HMGCL: variants seen among roughly 807,000 people sequenced by gnomAD.
HMGCL encodes the protein hydroxymethylglutaryl-CoA lyase, mitochondrial.
HMGCL carries 26 observed loss-of-function variants against 37.3 expected under a neutral mutation model. That is an observed-to-expected ratio of 0.70 (90% CI 0.51 to 0.97). The LOEUF is 0.97. Among genes scored for constraint, HMGCL ranks in the 50% least tolerant of loss-of-function variants. The probability of loss-of-function intolerance (pLI) is 0.00; values close to 1 mark genes in which losing one functional copy is unlikely to be tolerated. For missense variants in HMGCL, 379 were observed against 398.1 expected (o/e 0.95, Z 0.41); for synonymous variants, 151 against 148.0 (o/e 1.02, Z -0.15).
chr1:23,816,106 G>A (rs966959462), intron 4 of HMGCL, among the ~76,000 whole-genome samples: 1 of 57,838 alleles, frequency 1.7e-5, no homozygotes, highest in Non-Finnish European at 3.9e-5. Context: ...TTTTTTTTTT[G>A]TAGAGACAAG....
At chr1:23,810,337 A>G (rs1638496505) in intron 6 of HMGCL, 1 of 258,500 alleles carries the variant, frequency 3.9e-6, no homozygotes, top group Admixed American at 4.9e-5. Context: ...TGGGCTGGTC[A>G]AACTCAATTC....
Position 23,806,929 on chromosome 1 carries a change from T to C in HMGCL, c.750+1206A>G, listed in dbSNP as rs1570644349. On this transcript the variant is annotated intron_variant, in intron 7 of 8. Coordinates refer to ENST00000374490, the MANE Select transcript of HMGCL (RefSeq NM_000191.3). This position sits in a 1 kb window ranked among gnomAD's most constrained non-coding sequence, Gnocchi z 4.0. The stretch of plus-strand genomic sequence containing the variant: ...GGGCAGGGATTGGGTCTTGTTACCA[T>C]TGTCTAAGTCAGCACTTAACCTGGC... 1.9e-5 allele frequency: 10 copies of C among 517,990 alleles called. No individual in the cohort carries two copies. The highest frequency in any genetic ancestry group is 1.9e-5 in the Admixed American group (1 of 51,444). 32.1% of individuals were successfully genotyped at this position (517,990 alleles called of 1,614,324 possible). A position where few individuals can be genotyped will look rare whatever the true frequency, so the allele number is the denominator to read the frequency against.
At chr1:23,824,095 C>T (rs1638772379) in intron 1 of HMGCL, among the ~76,000 whole-genome samples, 1 of 152,206 alleles carries the variant, frequency 6.6e-6, no homozygotes, top group Non-Finnish European at 1.5e-5. Flanking sequence ...TAAAGCTCTG[C>T]TCAGAGAGGG....
rs115490158 is a variant in HMGCL, at chr1:23,806,798, G to A, written c.750+1337C>T. On this transcript the variant is annotated intron_variant, in intron 7 of 8. Coordinates refer to ENST00000374490, the MANE Select transcript of HMGCL (RefSeq NM_000191.3). The surrounding 1 kb of genome is among the most constrained non-coding windows in gnomAD (Gnocchi z 4.0). The stretch of plus-strand genomic sequence containing the variant: ...AACAGTGCCTAGCACACTAGGCACC[G>A]TTAGGTTAGGTTTTAATAGGTGAAT... 3.5e-3 allele frequency: 1,316 copies of A among 373,750 alleles called. 14 individuals carry two copies. Among genetic ancestry groups the A allele is most frequent in the African/African-American group, 0.025 (1,166 of 47,386 alleles). The allele number at this position is 373,750 out of a possible 1,614,324, so 23.2% of individuals were successfully genotyped here. A position where few individuals can be genotyped will look rare whatever the true frequency, so the allele number is the denominator to read the frequency against.
rs1410560275 is a variant in HMGCL at position 23,806,474 on chromosome 1, C to T, written c.750+1661G>A. On this transcript the variant is annotated intron_variant, in intron 7 of 8. Coordinates refer to ENST00000374490, the MANE Select transcript of HMGCL (RefSeq NM_000191.3). The surrounding 1 kb of genome is among the most constrained non-coding windows in gnomAD (Gnocchi z 4.0). ...GAACACAGCAAGCACACTCCTCCCT[C>T]AGGGCTCTGCGCCTGCTTTCCTGGG... Among the ~76,000 whole-genome samples the T allele has an allele frequency of 6.6e-6, 1 of 152,200 alleles. No homozygotes were observed. Among genetic ancestry groups the T allele is most frequent in the African/African-American group, 2.4e-5 (1 of 41,452 alleles).
intron 7 of HMGCL, among the ~76,000 whole-genome samples, chr1:23,805,654 C>G (rs927642960): frequency 1.3e-5 from 2 of 152,126 alleles, no homozygotes; most frequent in Admixed American, 1.3e-4. Context: ...CCTGAGGCCT[C>G]GATCCAGTCT....
In HMGCL at chr1:23,803,073, C is replaced by T. The variant is rs187346727; in HGVS notation, c.877-509G>A. On this transcript the variant is annotated intron_variant, in intron 8 of 8. Coordinates refer to ENST00000374490, the MANE Select transcript of HMGCL (RefSeq NM_000191.3). ...TTTTGGAGACAGAGTTTGCTCTTGTCGCCCAGGCTGGAGTGCAATGGCACG... is the reference window on the plus strand; with the variant it reads ...TTTTGGAGACAGAGTTTGCTCTTGTTGCCCAGGCTGGAGTGCAATGGCACG... Among the ~76,000 whole-genome samples, 460 of 152,116 alleles carry T rather than the reference C, an allele frequency of 3.0e-3. 1 individual carries two copies. Among genetic ancestry groups the T allele is most frequent in the Middle Eastern group, 0.01 (3 of 294 alleles).
In HMGCL at chr1:23,804,111, CTTTTG is replaced by C. The variant is rs531679993; in HGVS notation, c.876+284_876+288del. ...CCATAATCCCCAACACCCTTCCCCTCTTTTGTTTTGTTTTGAAGAGATAGGGTCTT... is the reference window on the plus strand; with the variant it reads ...CCATAATCCCCAACACCCTTCCCCTCTTTTGTTTTGAAGAGATAGGGTCTT... On this transcript the variant is annotated intron_variant, in intron 8 of 8. Coordinates refer to ENST00000374490, the MANE Select transcript of HMGCL (RefSeq NM_000191.3). 1.1e-3 allele frequency: 493 copies of C among 433,942 alleles called. 6 individuals are homozygous for C. Among genetic ancestry groups the C allele is most frequent in the African/African-American group, 9.4e-3 (471 of 50,280 alleles). 26.9% of individuals were successfully genotyped at this position (433,942 alleles called of 1,614,324 possible).
intron 1 of HMGCL, among the ~76,000 whole-genome samples, chr1:23,821,650 C>A (rs1380870888): frequency 6.6e-6 from 1 of 151,832 alleles, no homozygotes; most frequent in Admixed American, 6.6e-5. Flanking sequence ...CAGAGCGAGA[C>A]CCTGTCTCAA....
At chr1:23,804,354 C>T (rs769704672) in intron 8 of HMGCL, 46 bp downstream of exon 8, 3 of 1,612,998 alleles carry the variant, frequency 1.9e-6, no homozygotes, top group Non-Finnish European at 2.5e-6. Context: ...CTTCAGGCCC[C>T]CTGGTCAGTT....
In HMGCL at chr1:23,804,468, G is replaced by T; in HGVS notation, c.808C>A (p.Gln270Lys). 1 of 1,614,106 alleles carries T rather than the reference G, an allele frequency of 6.2e-7. No individual in the cohort carries two copies. ...VAGLGGCPYA[Q>K]GASGNLATED... The stretch of plus-strand genomic sequence containing the variant: ...GTGGCCAAGTTTCCTGATGCCCCCT[G>T]TGCGTAGGGACAGCCTCCAAGTCCT... Residue 270 changes from glutamine (Q) to lysine (K), a missense_variant, in exon 8 of 9, where the codon CAG becomes AAG. Coordinates refer to ENST00000374490, the MANE Select transcript of HMGCL (RefSeq NM_000191.3).
chr1:23,821,130 C>G (rs1294263466), intron 1 of HMGCL, among the ~76,000 whole-genome samples: 4 of 151,854 alleles, frequency 2.6e-5, no homozygotes, highest in African/African-American at 7.3e-5. Context: ...CCGAAGCGGG[C>G]GATCACTTGA....
chr1:23,817,430 CTT>C (rs1638630761), intron 3 of HMGCL, 44 bp downstream of exon 3: 1 of 1,172,670 alleles, frequency 8.5e-7, no homozygotes. Flanking sequence ...AAATGCAAAA[CTT>C]TTCATCCCTA....
In HMGCL at chr1:23,806,024, T is replaced by C. The variant is rs1638403493; in HGVS notation, c.751-1499A>G. 6.6e-6 allele frequency among the ~76,000 whole-genome samples: 1 copy of C among 151,552 alleles called. No individual in the cohort carries two copies. Among genetic ancestry groups the C allele is most frequent in the Admixed American group, 6.6e-5 (1 of 15,184 alleles). On this transcript the variant is annotated intron_variant, in intron 7 of 8. Coordinates refer to ENST00000374490, the MANE Select transcript of HMGCL (RefSeq NM_000191.3). The surrounding 1 kb of genome is among the most constrained non-coding windows in gnomAD (Gnocchi z 4.0). ...TGGCGCCATCTCAGCTCACTGCAAATCACTGCAACCTCCACCTCCCGGGCT... is the reference window on the plus strand; with the variant it reads ...TGGCGCCATCTCAGCTCACTGCAAACCACTGCAACCTCCACCTCCCGGGCT...
chr1:23,804,876 ACC>A (rs138996016), intron 7 of HMGCL, among the ~76,000 whole-genome samples: 4 of 61,344 alleles, frequency 6.5e-5, no homozygotes, highest in East Asian at 4.3e-4. Context: ...TTCATTTATT[ACC>A]CCCCCCCCAC....
Position 23,801,977 on chromosome 1 carries a change from C to T in HMGCL, c.*486G>A, listed in dbSNP as rs11714. 380,022 of 417,798 alleles carry T rather than the reference C, an allele frequency of 0.91. 173,044 individuals carry two copies. Among genetic ancestry groups the T allele is most frequent in the Middle Eastern group, 0.93 (1,515 of 1,628 alleles). 25.9% of individuals were successfully genotyped at this position (417,798 alleles called of 1,614,324 possible). On this transcript the variant is annotated 3_prime_UTR_variant, in exon 9 of 9. Coordinates refer to ENST00000374490, the MANE Select transcript of HMGCL (RefSeq NM_000191.3). ...TTCCAGAGATGCTGGAGTTGGCAGACGGCCACCACGTAGCTCTCCACTTTC... is the reference window on the plus strand; with the variant it reads ...TTCCAGAGATGCTGGAGTTGGCAGATGGCCACCACGTAGCTCTCCACTTTC...
At chr1:23,824,045 CCA>C (rs924978564) in intron 1 of HMGCL, among the ~76,000 whole-genome samples, 3 of 152,152 alleles carry the variant, frequency 2.0e-5, no homozygotes. Flanking sequence ...TTCGTTCGGT[CCA>C]CAGTCTTCTC....
intron 1 of HMGCL, among the ~76,000 whole-genome samples, chr1:23,823,868 G>GA (rs200504374): frequency 9.4e-4 from 133 of 142,166 alleles, no homozygotes; most frequent in East Asian, 6.7e-3. Flanking sequence ...ACCGTCTCAG[G>GA]AAAAAAAAAA....
rs185150043 is a variant in HMGCL, at chr1:23,808,847, A to G, written c.562-524T>C. ...AACCTTGGCCTCTCAGACTCAAGCA[A>G]TCCTCCCACCTCAGCCTCCCAAGTA... On this transcript the variant is annotated intron_variant, in intron 6 of 8. Coordinates refer to ENST00000374490, the MANE Select transcript of HMGCL (RefSeq NM_000191.3). Among the ~76,000 whole-genome samples the G allele has an allele frequency of 4.0e-5, 6 of 149,590 alleles. No individual in the cohort carries two copies. The Admixed American group carries it at 4.0e-4, about 10-fold the overall frequency.
Sources: allele counts gnomAD v4.1 joint callset (sites outside exome capture counted in the v4.1 genomes callset), GRCh38; gene constraint gnomAD v4.1.1; non-coding constraint Gnocchi (gnomAD v3.1); transcripts MANE v1.5; gene names NCBI Gene and HGNC (gene_info 2026-07-23, HGNC 2026-07-21).